IKBKG: variants seen among roughly 807,000 people sequenced by gnomAD.
The protein encoded by IKBKG is NF-kappa-B essential modulator.
Under a neutral mutation model 13.7 loss-of-function variants are expected in IKBKG, and 2 were observed. The ratio of observed to expected loss-of-function variants is 0.15; its 90% CI spans 0.06 to 0.46. IKBKG has a LOEUF of 0.46. Ranked by LOEUF, IKBKG falls within the 20% of genes least tolerant of loss-of-function variation. The pLI is 0.98. For missense variants in IKBKG, 53 were observed against 150.3 expected (o/e 0.35, Z 3.39); for synonymous variants, 22 against 64.4 (o/e 0.34, Z 3.15).
At chrX:154,547,039 C>T (rs1206579461), upstream of IKBKG, 7 of 186,002 alleles carry the variant, frequency 3.8e-5, no homozygotes, top group East Asian at 1.1e-4. Flanking sequence ...CGCTGGAGGC[C>T]GGCCCGCCGG....
At chrX:154,549,821 A>G (rs2070878519) in intron 1 of IKBKG, among the ~76,000 whole-genome samples, 1 of 112,127 alleles carries the variant, frequency 8.9e-6, no homozygotes, top group East Asian at 2.8e-4. Flanking sequence ...CATCTTATAT[A>G]AATAGACTCA....
chrX:154,558,991 A>ACAGGGCAGGAGCCGC (rs1306331111), intron 4 of IKBKG, among the ~76,000 whole-genome samples: 1 of 106,476 alleles, frequency 9.4e-6, no homozygotes, highest in Admixed American at 9.7e-5. Flanking sequence ...GGAAAAAGGC[A>ACAGGGCAGGAGCCGC]CAGGGCAGGA....
At chrX:154,547,395 C>A (rs1396194989), upstream of IKBKG, 1 of 754,368 alleles carries the variant, frequency 1.3e-6, no homozygotes, top group Non-Finnish European at 1.6e-6. Context: ...CGAGGCTAGA[C>A]GCCGCCGTCC....
upstream of IKBKG, chrX:154,546,784 G>GT: frequency 8.6e-7 from 1 of 1,158,445 alleles, no homozygotes; most frequent in Admixed American, 2.5e-5. Context: ...CGCCCGGCCG[G>GT]TTACCTGCGC....
upstream of IKBKG, among the ~76,000 whole-genome samples, chrX:154,542,727 G>C (rs782671606): frequency 3.6e-5 from 4 of 111,976 alleles, no homozygotes; most frequent in South Asian, 3.7e-4. Flanking sequence ...CCCAACTCGG[G>C]GCTCCGGGCA....
upstream of IKBKG, among the ~76,000 whole-genome samples, chrX:154,544,492 G>A (rs1250515116): frequency 4.5e-5 from 5 of 112,041 alleles, no homozygotes; most frequent in East Asian, 2.8e-4. Flanking sequence ...ACTGGGTTTC[G>A]CCATGTTGGC....
chrX:154,546,889 G>GGCGGGC, upstream of IKBKG: 2 of 1,008,518 alleles, frequency 2.0e-6, no homozygotes, highest in Non-Finnish European at 2.6e-6. Context: ...CGGGGGCGGG[G>GGCGGGC]GCGGGCGCCT....
In IKBKG at chrX:154,547,648, G is replaced by C. The variant is rs955344672; in HGVS notation, c.-113G>C. 1 of 754,802 alleles carries C rather than the reference G, an allele frequency of 1.3e-6. No individual in the cohort carries two copies. Among genetic ancestry groups the C allele is most frequent in the African/African-American group, 2.3e-5 (1 of 43,941 alleles). 62.2% of individuals were successfully genotyped at this position (754,802 alleles called of 1,213,427 possible). A position where few individuals can be genotyped will look rare whatever the true frequency, so the allele number is the denominator to read the frequency against. On this transcript the variant is annotated 5_prime_UTR_variant, in exon 1 of 10. Coordinates refer to ENST00000594239, the MANE Select transcript of IKBKG (RefSeq NM_001099857.5). The stretch of plus-strand genomic sequence containing the variant: ...AGCCGGAAGCGTGGTAGGGAAGGGC[G>C]ACCGCGAAACTGGGACTTTCTCGGA...
intron 1 of IKBKG, 34 bp from the exon 2 acceptor site, chrX:154,551,954 C>T (rs991143065): frequency 9.9e-6 from 10 of 1,010,022 alleles, no homozygotes; most frequent in African/African-American, 3.9e-5. Context: ...GGATGTGGGT[C>T]TCCTGTGACT....
At chrX:154,547,571 C>CG (rs2070782571), upstream of IKBKG, 5 of 754,923 alleles carry the variant, frequency 6.6e-6, no homozygotes, top group Non-Finnish European at 7.8e-6. Flanking sequence ...CCCGAGTTCT[C>CG]GGGGGCGGGG....
chrX:154,545,891 G>A (rs1230115471), upstream of IKBKG: 3 of 704,855 alleles, frequency 4.3e-6, no homozygotes, highest in Middle Eastern at 3.9e-4. Flanking sequence ...AGGTAGAGCC[G>A]GGATGATCCT....
At chrX:154,550,838 T>C (rs1468718151) in intron 1 of IKBKG, among the ~76,000 whole-genome samples, 2 of 105,999 alleles carry the variant, frequency 1.9e-5, no homozygotes, top group Non-Finnish European at 3.9e-5. Flanking sequence ...TGAGATGGAG[T>C]CTCGCTCTGT....
At chrX:154,545,522 C>T (rs1247865273), upstream of IKBKG, among the ~76,000 whole-genome samples, 1 of 111,761 alleles carries the variant, frequency 8.9e-6, no homozygotes, top group Non-Finnish European at 1.9e-5. Context: ...CTACATTCAG[C>T]GGCTAGGCAC....
chrX:154,544,927 T>G, upstream of IKBKG, among the ~76,000 whole-genome samples: 1 of 112,596 alleles, frequency 8.9e-6, no homozygotes, highest in East Asian at 2.8e-4. Flanking sequence ...TAACTAGTTT[T>G]GATAGAGCTC....
rs1162711384 is a variant in IKBKG at position 154,547,678 on chromosome X, C to T, written c.-83C>T. On this transcript the variant is annotated 5_prime_UTR_variant, in exon 1 of 10. Transcript: ENST00000594239. ...CGAAACTGGGACTTTCTCGGAGCGC[C>T]GGGGCCCTACCAGCGTTCACAGTCC... 2 of 754,015 alleles carry T rather than the reference C, an allele frequency of 2.7e-6. No individual in the cohort carries two copies. Among genetic ancestry groups the T allele is most frequent in the Non-Finnish European group, 3.1e-6 (2 of 639,282 alleles). 62.1% of individuals were successfully genotyped at this position (754,015 alleles called of 1,213,427 possible).
At chrX:154,549,614 A>G (rs782737860) in intron 1 of IKBKG, among the ~76,000 whole-genome samples, 24 of 111,672 alleles carry the variant, frequency 2.1e-4, no homozygotes, top group Admixed American at 7.6e-4. Context: ...TTGAGATATC[A>G]TTAGCATGTC....
chrX:154,554,029 G>A (rs2071001563), intron 2 of IKBKG, among the ~76,000 whole-genome samples: 1 of 112,628 alleles, frequency 8.9e-6, no homozygotes, highest in African/African-American at 3.2e-5. Flanking sequence ...GAGGCCTCAA[G>A]GCTGTATTGA....
upstream of IKBKG, among the ~76,000 whole-genome samples, chrX:154,542,922 G>A (rs1186112165): frequency 8.9e-6 from 1 of 112,261 alleles, no homozygotes; most frequent in Non-Finnish European, 1.9e-5. Context: ...GAGGAGGGCA[G>A]GGACTGGCTG....
intron 2 of IKBKG, among the ~76,000 whole-genome samples, chrX:154,552,879 G>A (rs974839239): frequency 1.8e-4 from 20 of 112,147 alleles, no homozygotes; most frequent in Non-Finnish European, 3.0e-4. Context: ...GCTCCTGCCC[G>A]CGCCCTGGGC....
Sources: allele counts gnomAD v4.1 joint callset (sites outside exome capture counted in the v4.1 genomes callset), GRCh38; gene constraint gnomAD v4.1.1; transcripts MANE v1.5; gene names NCBI Gene and HGNC (gene_info 2026-07-23, HGNC 2026-07-21).